COL5A2: variants seen among roughly 807,000 people sequenced by gnomAD.
The protein encoded by COL5A2 is collagen type V alpha 2 chain, also known as collagen alpha-2(V) chain.
COL5A2 carries 23 observed loss-of-function variants against 208.2 expected under a neutral mutation model. That is an observed-to-expected ratio of 0.11 (90% confidence interval 0.08 to 0.16). COL5A2 has a LOEUF of 0.16. COL5A2 is among the 10% of genes least tolerant of loss of function. The pLI is 1.00. For missense variants in COL5A2, 1,590 were observed against 1,956.4 expected (o/e 0.81, Z 3.53); for synonymous variants, 625 against 628.5 (o/e 0.99, Z 0.08).
At chr2:189,357,376 G>T in the COL5A2 span, among the ~76,000 whole-genome samples, 1 of 152,306 alleles carries the variant, frequency 6.6e-6, no homozygotes, top group South Asian at 2.1e-4. Context: ...GGAGATGGGG[G>T]TTTTATCTAT....
chr2:189,033,545 T>C lies in COL5A2; in HGVS notation c.*525A>G, dbSNP rs10195176. 3.6e-3 allele frequency: 602 copies of C among 167,726 alleles called. 2 individuals are homozygous for C. Among genetic ancestry groups the C allele is most frequent in the African/African-American group, 0.013 (547 of 41,610 alleles). The allele number at this position is 167,726 out of a possible 1,614,324, so 10.4% of individuals were successfully genotyped here. ...TAGTTACACAATATCAAGACATGCA[T>C]GTAGGTCTCGATCACAAGTTAAACA... On this transcript the variant is annotated 3_prime_UTR_variant, in exon 54 of 54. Transcript: ENST00000374866.
chr2:189,371,385 G>A, the COL5A2 span, among the ~76,000 whole-genome samples: 1 of 152,190 alleles, frequency 6.6e-6, no homozygotes, highest in Non-Finnish European at 1.5e-5. Context: ...TGGGTAATAG[G>A]CAGAAGTTGG....
At chr2:189,338,055 A>G in the COL5A2 span, among the ~76,000 whole-genome samples, 1 of 152,228 alleles carries the variant, frequency 6.6e-6, no homozygotes, top group African/African-American at 2.4e-5. Context: ...CAGATTTTAA[A>G]TTTGTTTAAC....
chr2:189,379,108 C>G, the COL5A2 span, among the ~76,000 whole-genome samples: 1 of 152,080 alleles, frequency 6.6e-6, no homozygotes. Flanking sequence ...ACAGACCTCT[C>G]AGCACAAAAA....
rs1404461700 is a variant in COL5A2 at position 189,049,389 on chromosome 2, C to G, written c.3105G>C (p.Gly1035=). ...TGDKGPPGPV[G]PPGSNGPVGE... ...CTACAGGACCATTGGAGCCTGGGGG[C>G]CCCACAGGTCCAGGTGGACCTTTAT... Residue 1035 remains glycine, a synonymous_variant, in exon 44 of 54, where the codon GGG becomes GGC. Coordinates refer to ENST00000374866, the MANE Select transcript of COL5A2 (RefSeq NM_000393.5). 1 of 1,613,536 alleles carries G rather than the reference C, an allele frequency of 6.2e-7. No individual in the cohort carries two copies. Among genetic ancestry groups the G allele is most frequent in the Admixed American group, 1.7e-5 (1 of 60,010 alleles).
intron 1 of COL5A2, among the ~76,000 whole-genome samples, chr2:189,203,464 A>G (rs528095839): frequency 1.4e-4 from 21 of 152,344 alleles, no homozygotes; most frequent in African/African-American, 4.8e-4. Context: ...TGAATTAGAC[A>G]TAAAGAAATA....
rs774969990 is a variant in COL5A2, at chr2:189,088,771, G to T, written c.569C>A (p.Pro190Gln). 6.8e-6 allele frequency: 11 copies of T among 1,613,570 alleles called. No homozygotes were observed. The South Asian group carries it at 1.2e-4, about 18-fold the overall frequency. ...SHPGPDGLSR[P>Q]FSAQMAGLDE... ...CAACCCAGCCATTTGAGCTGAAAAC[G>T]GCTGTAAAAGCGATATGTTGACATT... The change falls in exon 8 of 54, where the codon CCG becomes CAG. Residue 190 changes from proline to glutamine, a missense_variant and splice_region_variant. By Grantham distance (76) the Pro-to-Gln change is moderately conservative. Coordinates refer to ENST00000374866, the MANE Select transcript of COL5A2 (RefSeq NM_000393.5).
At chr2:189,093,619 G>T (rs1318201640) in intron 6 of COL5A2, among the ~76,000 whole-genome samples, 3 of 152,050 alleles carry the variant, frequency 2.0e-5, no homozygotes, top group African/African-American at 7.2e-5. Context: ...GGACAAACAA[G>T]CAAATTTATC....
chr2:189,333,580 C>G, the COL5A2 span, among the ~76,000 whole-genome samples: 1 of 152,076 alleles, frequency 6.6e-6, no homozygotes, highest in Non-Finnish European at 1.5e-5. Flanking sequence ...CCCCCAGTAC[C>G]TCAAAATGTA....
At chr2:189,351,255 T>C in the COL5A2 span, among the ~76,000 whole-genome samples, 2 of 152,196 alleles carry the variant, frequency 1.3e-5, no homozygotes, top group African/African-American at 2.4e-5. Flanking sequence ...TCACATACCC[T>C]TTCAAAACAA....
chr2:189,208,359 T>C (rs1297064369), intron 1 of COL5A2, among the ~76,000 whole-genome samples: 2 of 152,208 alleles, frequency 1.3e-5, no homozygotes, highest in African/African-American at 4.8e-5. Context: ...ACAAACAATC[T>C]ATAGAAGTAC....
chr2:189,184,871 C>T (rs140544391), upstream of COL5A2, among the ~76,000 whole-genome samples: 9 of 152,164 alleles, frequency 5.9e-5, 1 homozygote, highest in East Asian at 1.5e-3. Context: ...TAAAAGTAGG[C>T]AGGAAGCCAT....
At chr2:189,352,357 G>T in the COL5A2 span, among the ~76,000 whole-genome samples, 4 of 152,134 alleles carry the variant, frequency 2.6e-5, no homozygotes, top group African/African-American at 9.7e-5. Context: ...TCTAGTTCTA[G>T]ATCCTTGAGG....
the COL5A2 span, among the ~76,000 whole-genome samples, chr2:189,435,606 G>T: frequency 1.3e-5 from 2 of 148,780 alleles, no homozygotes; most frequent in Non-Finnish European, 3.0e-5. Flanking sequence ...TGAGAGAAAT[G>T]CAAATCAAAA....
At chr2:189,226,886 G>A (rs1212420063), upstream of COL5A2, among the ~76,000 whole-genome samples, 2 of 152,138 alleles carry the variant, frequency 1.3e-5, no homozygotes, top group African/African-American at 2.4e-5. Flanking sequence ...GAATATAAAA[G>A]ATTTGAGCGG....
chr2:189,163,403 T>A (rs897930036), intron 1 of COL5A2, among the ~76,000 whole-genome samples: 1 of 152,218 alleles, frequency 6.6e-6, no homozygotes, highest in African/African-American at 2.4e-5. Context: ...ATTTACATAT[T>A]TTCTCTCTAA....
intron 38 of COL5A2, 26 bp from the exon 39 acceptor site, chr2:189,053,044 A>T (rs1158653891): frequency 1.3e-6 from 2 of 1,548,234 alleles, no homozygotes; most frequent in East Asian, 4.5e-5. Context: ...CAAACAAGCA[A>T]TTGATTATAA....
rs1387666560 is a variant in COL5A2, at chr2:189,092,432, G to A, written c.457-12C>T. ...GGTCCACGAGGGCCCTGGAAAACAA[G>A]CCAGTTAAAATTAGAACCCACTGCC... On this transcript the variant is annotated splice_polypyrimidine_tract_variant and intron_variant, in intron 6 of 53. Transcript: ENST00000374866. The A allele has an allele frequency of 1.6e-5, 25 of 1,553,788 alleles. No individual in the cohort carries two copies. Among genetic ancestry groups the A allele is most frequent in the Non-Finnish European group, 2.1e-5 (24 of 1,138,556 alleles).
chr2:189,175,223 G>T (rs567575072), intron 1 of COL5A2, among the ~76,000 whole-genome samples: 1 of 152,092 alleles, frequency 6.6e-6, no homozygotes, highest in East Asian at 1.9e-4. Context: ...AGTTTTGTGT[G>T]ACCATATGAC....
Sources: allele counts gnomAD v4.1 joint callset (sites outside exome capture counted in the v4.1 genomes callset), GRCh38; gene constraint gnomAD v4.1.1; transcripts MANE v1.5; gene names NCBI Gene and HGNC (gene_info 2026-07-23, HGNC 2026-07-21).